The following SGCZ variants were observed in gnomAD, a reference collection of about 807,000 sequenced individuals.
SGCZ encodes sarcoglycan zeta.
A neutral mutation model predicts 41.3 loss-of-function variants in SGCZ; 40 were observed. That is an observed-to-expected ratio of 0.97 (90% CI 0.75 to 1.26). The LOEUF is 1.26. Among genes scored for constraint, SGCZ ranks in the 50% most tolerant of loss-of-function variants. The pLI is 0.00. For synonymous variants in SGCZ, 206 were observed against 137.5 expected, an observed-to-expected ratio of 1.50 and a Z score of -3.49; for missense variants, 552 against 369.8, an observed-to-expected ratio of 1.49 and a Z score of -4.04.
intron 1 of SGCZ, among the ~76,000 whole-genome samples, chr8:15,070,685 C>T (rs1805317193): frequency 6.6e-6 from 1 of 152,150 alleles, no homozygotes; most frequent in Non-Finnish European, 1.5e-5. Flanking sequence ...ATTCAAGGCT[C>T]AGTGTGATAT....
At chr8:14,266,838 T>C (rs1349815669) in intron 3 of SGCZ, among the ~76,000 whole-genome samples, 3 of 152,052 alleles carry the variant, frequency 2.0e-5, no homozygotes, top group Non-Finnish European at 4.4e-5. Flanking sequence ...CATAAACTGG[T>C]AATCACAAAG....
At chr8:14,549,961 G>C (rs188707351) in intron 2 of SGCZ, among the ~76,000 whole-genome samples, 1 of 151,948 alleles carries the variant, frequency 6.6e-6, no homozygotes, top group Non-Finnish European at 1.5e-5. Flanking sequence ...GCTAGTGGTG[G>C]TATAAATTGA....
At chr8:15,101,128 A>G (rs1806596302) in intron 1 of SGCZ, among the ~76,000 whole-genome samples, 1 of 152,166 alleles carries the variant, frequency 6.6e-6, no homozygotes, top group Non-Finnish European at 1.5e-5. Flanking sequence ...CTAACGTAAA[A>G]CTCAAGACTA....
At chr8:14,769,623 C>T (rs1800162606) in intron 1 of SGCZ, among the ~76,000 whole-genome samples, 2 of 151,784 alleles carry the variant, frequency 1.3e-5, no homozygotes. Flanking sequence ...GAAACCCAGT[C>T]TCTACTAAAA....
chr8:14,179,155 C>A (rs984099911), intron 4 of SGCZ, among the ~76,000 whole-genome samples: 1 of 152,180 alleles, frequency 6.6e-6, no homozygotes, highest in Non-Finnish European at 1.5e-5. Context: ...ATGTAAGATA[C>A]AAATTGTCAG....
intron 1 of SGCZ, among the ~76,000 whole-genome samples, chr8:14,914,148 A>G (rs950886235): frequency 2.0e-5 from 3 of 152,138 alleles, no homozygotes; most frequent in African/African-American, 7.2e-5. Context: ...TAGAGAAACT[A>G]TATAACCTGC....
At chr8:14,119,573 A>T (rs10096675) in intron 5 of SGCZ, among the ~76,000 whole-genome samples, 149,998 of 152,264 alleles carry the variant, frequency 0.99, 73,914 homozygotes, top group East Asian at 1. Context: ...CTGATTATCC[A>T]GGCCAGAACT....
intron 3 of SGCZ, among the ~76,000 whole-genome samples, chr8:14,276,664 T>C (rs1047922002): frequency 1.3e-5 from 2 of 152,178 alleles, no homozygotes; most frequent in Non-Finnish European, 2.9e-5. Flanking sequence ...TCTCTTTTCT[T>C]TCCAATTTGT....
rs117788906 is a variant in SGCZ, at chr8:14,721,834, A to G, written c.40-166908T>C. Among the ~76,000 whole-genome samples, 792 of 151,868 alleles carry G rather than the reference A, an allele frequency of 5.2e-3. 3 individuals carry two copies. Among genetic ancestry groups the G allele is most frequent in the East Asian group, 0.02 (104 of 5,156 alleles). ...AAAACCCTGTAAGCACTGGCCATTC[A>G]TTAACTATCTGATCTTAACTCCTAC... On this transcript the variant is annotated intron_variant, in intron 1 of 7. Coordinates refer to ENST00000382080, the MANE Select transcript of SGCZ (RefSeq NM_139167.4).
At chr8:14,328,886 C>A (rs1226996744) in intron 2 of SGCZ, among the ~76,000 whole-genome samples, 1 of 152,186 alleles carries the variant, frequency 6.6e-6, no homozygotes, top group Non-Finnish European at 1.5e-5. Flanking sequence ...AGTGTTTCGA[C>A]CTCTTGCTCT....
chr8:14,540,046 G>T (rs1420121054), intron 2 of SGCZ, among the ~76,000 whole-genome samples: 1 of 151,748 alleles, frequency 6.6e-6, no homozygotes, highest in East Asian at 1.9e-4. Context: ...AAACTATGAA[G>T]AATTTAAAAT....
intron 3 of SGCZ, among the ~76,000 whole-genome samples, chr8:14,289,655 C>T (rs1800772674): frequency 6.6e-6 from 1 of 151,876 alleles, no homozygotes; most frequent in African/African-American, 2.4e-5. Context: ...CAGAAATAAA[C>T]TCACACATTT....
intron 1 of SGCZ, among the ~76,000 whole-genome samples, chr8:14,746,454 C>T (rs966466419): frequency 1.3e-5 from 2 of 152,074 alleles, no homozygotes; most frequent in African/African-American, 4.8e-5. Flanking sequence ...GTTGGAGGTG[C>T]TTAGTATCCA....
chr8:14,788,342 T>C (rs13275534), intron 1 of SGCZ, among the ~76,000 whole-genome samples: 54,510 of 152,064 alleles, frequency 0.36, 11,812 homozygotes, highest in East Asian at 0.51. Flanking sequence ...CTTGGGCGAT[T>C]AATTTCTCTA....
intron 1 of SGCZ, among the ~76,000 whole-genome samples, chr8:15,032,175 G>T (rs1803696628): frequency 6.6e-6 from 1 of 152,034 alleles, no homozygotes; most frequent in Admixed American, 6.5e-5. Flanking sequence ...GGACATTCAA[G>T]CGCTCACACC....
intron 1 of SGCZ, among the ~76,000 whole-genome samples, chr8:14,619,407 C>G (rs1241950385): frequency 2.6e-5 from 4 of 152,092 alleles, no homozygotes; most frequent in African/African-American, 9.7e-5. Flanking sequence ...TCTCACCACT[C>G]CTATTCAACA....
At chr8:14,730,114 T>C (rs887305145) in intron 1 of SGCZ, among the ~76,000 whole-genome samples, 37 of 152,124 alleles carry the variant, frequency 2.4e-4, no homozygotes, top group African/African-American at 8.7e-4. Context: ...AAAACCATAG[T>C]AACTTTTCAG....
intron 1 of SGCZ, among the ~76,000 whole-genome samples, chr8:15,022,708 T>G (rs1312627821): frequency 1.3e-5 from 2 of 152,182 alleles, no homozygotes; most frequent in Non-Finnish European, 2.9e-5. Flanking sequence ...ATGCTAGCAA[T>G]GCAATTCTAT....
chr8:14,181,106 CA>C lies in SGCZ; in HGVS notation c.425-16405del, dbSNP rs533843935. Among the ~76,000 whole-genome samples, 10 of 152,262 alleles carry C rather than the reference CA, an allele frequency of 6.6e-5. No homozygotes were observed. The South Asian group carries it at 2.1e-3, about 32-fold the overall frequency. On this transcript the variant is annotated intron_variant, in intron 4 of 7. Transcript: ENST00000382080. ...TAGTCTAAGCCAGGCCTGAGGCCCA[CA>C]GTAGTCTCCCTAATAGGGCCAACGG... is the stretch of plus-strand genomic sequence containing the variant.
Sources: gnomAD v4.1 joint callset for allele counts (sites outside exome capture counted in the v4.1 genomes callset) on GRCh38, gnomAD v4.1.1 for gene constraint, MANE v1.5 for transcripts, NCBI Gene and HGNC (gene_info 2026-07-23, HGNC 2026-07-21) for gene names.